DBF4: variants seen among roughly 807,000 people sequenced by gnomAD.
DBF4 encodes protein DBF4 homolog A.
A neutral mutation model predicts 76.6 loss-of-function variants in DBF4; 25 were observed. That is an observed-to-expected ratio of 0.33 (90% confidence interval 0.24 to 0.46). The LOEUF is 0.46. DBF4 is among the 20% of genes least tolerant of loss of function. DBF4 has a pLI of 1.00. For synonymous variants in DBF4, 213 were observed against 258.0 expected, an observed-to-expected ratio of 0.83 and a Z score of 1.67; for missense variants, 638 against 760.8, an observed-to-expected ratio of 0.84 and a Z score of 1.90.
chr7:87,885,809 C>G (rs1839334163), intron 3 of DBF4, among the ~76,000 whole-genome samples: 1 of 152,086 alleles, frequency 6.6e-6, no homozygotes, highest in African/African-American at 2.4e-5. Context: ...AGCCCCTATT[C>G]TAGAATTATT....
chr7:87,893,841 A>T (rs1445277806), intron 6 of DBF4, among the ~76,000 whole-genome samples: 1 of 152,156 alleles, frequency 6.6e-6, no homozygotes, highest in Admixed American at 6.5e-5. Flanking sequence ...CTACCATCTT[A>T]CTGTTAGTTT....
At chr7:87,887,908 A>C in intron 5 of DBF4, 75 bp from the exon 6 acceptor site, 1 of 1,332,876 alleles carries the variant, frequency 7.5e-7, no homozygotes, top group Non-Finnish European at 1.0e-6. Context: ...TATCTAATTT[A>C]ACTACAAGAA....
chr7:87,897,905 G>A (rs1312398338), intron 8 of DBF4, among the ~76,000 whole-genome samples: 2 of 152,100 alleles, frequency 1.3e-5, no homozygotes, highest in African/African-American at 2.4e-5. Flanking sequence ...AGCCTCCCAA[G>A]TAGCTGGGAT....
At position 87,904,357 on chromosome 7, in the gene DBF4, T is replaced by A; in HGVS notation, c.990T>A (p.Ile330=). 1.2e-6 allele frequency: 2 copies of A among 1,613,914 alleles called. No homozygotes were observed. Among genetic ancestry groups the A allele is most frequent in the South Asian group, 2.2e-5 (2 of 91,054 alleles). The change falls in exon 11 of 12, where the codon ATT becomes ATA. Residue 330 remains isoleucine, a synonymous_variant. Coordinates refer to ENST00000265728, the MANE Select transcript of DBF4 (RefSeq NM_006716.4). ...ACCAGTATCAAGTTGTTGATGATAT[T>A]GTATCTAAGTTAGTTTTTGACTTTG... ...QSNQYQVVDD[I]VSKLVFDFVE...
chr7:87,904,906 TC>T (rs1839879584), intron 11 of DBF4, among the ~76,000 whole-genome samples: 1 of 152,166 alleles, frequency 6.6e-6, no homozygotes. Flanking sequence ...TACTTTTAGT[TC>T]CATTCTTTTT....
At chr7:87,893,292 G>A (rs1046793255) in intron 6 of DBF4, among the ~76,000 whole-genome samples, 1 of 138,278 alleles carries the variant, frequency 7.2e-6, no homozygotes, top group South Asian at 2.2e-4. Context: ...AGGCCGGACT[G>A]TGGACTGCAG....
intron 1 of DBF4, among the ~76,000 whole-genome samples, chr7:87,877,836 G>C: frequency 6.6e-6 from 1 of 152,166 alleles, no homozygotes; most frequent in Non-Finnish European, 1.5e-5. Flanking sequence ...AATATTTCTT[G>C]CTGAGTCAAC....
Position 87,908,370 on chromosome 7 carries a change from T to C in DBF4, c.*207T>C. 2.4e-6 allele frequency: 1 copy of C among 409,606 alleles called. No homozygotes were observed. The highest frequency in any genetic ancestry group is 4.1e-6 in the Non-Finnish European group (1 of 242,738). 25.4% of individuals were successfully genotyped at this position (409,606 alleles called of 1,614,324 possible). On this transcript the variant is annotated 3_prime_UTR_variant, in exon 12 of 12. Coordinates refer to ENST00000265728, the MANE Select transcript of DBF4 (RefSeq NM_006716.4). ...AATAAACTTGTGACTGGTCTTGTTT[T>C]ACATTATATATATGTTCGTAATTGT...
In DBF4 at chr7:87,885,130, A is replaced by T; in HGVS notation, c.371A>T (p.Asp124Val). Reference sequence around the variant, plus strand: ...ACCACTTCACCTCATCCCAGCCATGATGGAAGTTCATTTAAGTCACCAGAC... The same window carrying T: ...ACCACTTCACCTCATCCCAGCCATGTTGGAAGTTCATTTAAGTCACCAGAC... ...AETTSPHPSH[D>V]GSSFKSPDTV... The change falls in exon 3 of 12, where the codon GAT (aspartate) becomes GTT (valine). Residue 124 changes from aspartate to valine, a missense_variant. By Grantham distance (152) the Asp-to-Val change is radical. Transcript: ENST00000265728. The T allele has an allele frequency of 6.2e-7, 1 of 1,610,322 alleles. No individual in the cohort carries two copies. The highest frequency in any genetic ancestry group is 8.5e-7 in the Non-Finnish European group (1 of 1,178,110).
At position 87,896,462 on chromosome 7, in the gene DBF4, A is replaced by C; in HGVS notation, c.598-12A>C. The C allele has an allele frequency of 3.9e-6, 6 of 1,536,088 alleles. No individual in the cohort carries two copies. In the South Asian group the frequency reaches 5.8e-5, roughly 15 times the overall value. On this transcript the variant is annotated splice_polypyrimidine_tract_variant and intron_variant, in intron 6 of 11. Transcript: ENST00000265728. ...TTCAAAGCCAATCTTTTCACTATAT[A>C]TTTTTTTTTAGGGCAAAAGAGTTGG...
intron 8 of DBF4, among the ~76,000 whole-genome samples, chr7:87,898,806 AAAG>A (rs1839700391): frequency 6.6e-6 from 1 of 151,796 alleles, no homozygotes; most frequent in Admixed American, 6.6e-5. Flanking sequence ...AAAAAAAAAA[AAAG>A]AACAACAAAG....
Position 87,888,036 on chromosome 7 carries a change from T to C in DBF4, c.574T>C (p.Ser192Pro), listed in dbSNP as rs1839402942. Residue 192 changes from serine (S) to proline (P), a missense_variant, in exon 6 of 12, where the codon TCA (serine) becomes CCA (proline). Physicochemically the swap from Ser to Pro is moderately conservative, Grantham distance 74. Coordinates refer to ENST00000265728, the MANE Select transcript of DBF4 (RefSeq NM_006716.4). ...KKKELYLLKK[S>P]STSVRDGGKR... Reference sequence around the variant, plus strand: ...AAAAGAGTTGTATTTACTCAAGAAATCAAGTACTTCAGTAAGAGATGGGGT... The same window carrying C: ...AAAAGAGTTGTATTTACTCAAGAAACCAAGTACTTCAGTAAGAGATGGGGT... 1 of 1,562,028 alleles carries C rather than the reference T, an allele frequency of 6.4e-7. No homozygotes were observed. Among genetic ancestry groups the C allele is most frequent in the East Asian group, 2.3e-5 (1 of 43,136 alleles).
intron 6 of DBF4, 89 bp from the exon 7 acceptor site, chr7:87,896,384 AT>A (rs989777557): frequency 2.0e-6 from 2 of 1,008,492 alleles, no homozygotes; most frequent in South Asian, 1.4e-5. Flanking sequence ...TTTCTGCATG[AT>A]TTTTTTATCT....
chr7:87,876,865 G>A, intron 1 of DBF4, 87 bp downstream of exon 1: 1 of 1,448,488 alleles, frequency 6.9e-7, no homozygotes, highest in Admixed American at 1.8e-5. Context: ...TTCTCCCGCC[G>A]GGTCCTCAGC....
chr7:87,906,795 A>G (rs893787232), intron 11 of DBF4, among the ~76,000 whole-genome samples: 20 of 152,338 alleles, frequency 1.3e-4, no homozygotes, highest in African/African-American at 4.6e-4. Context: ...ATGTAAATCA[A>G]AGCACAGAAG....
chr7:87,895,184 A>T (rs1397339606), intron 6 of DBF4, among the ~76,000 whole-genome samples: 1 of 151,932 alleles, frequency 6.6e-6, no homozygotes, highest in Non-Finnish European at 1.5e-5. Context: ...TTGTTATCTC[A>T]CTCAGATAGT....
At position 87,888,056 on chromosome 7, in the gene DBF4, T is replaced by C. The variant is rs1839403125; in HGVS notation, c.594T>C (p.Asp198=). ...AGAAATCAAGTACTTCAGTAAGAGA[T>C]GGGGTATGTTTTCTTTTTCAATTTT... The part of the protein sequence containing the change: ...LLKKSSTSVR[D]GGKRVGSGAQ... The change falls in exon 6 of 12, where the codon GAT becomes GAC. Residue 198 remains aspartate (D), a synonymous_variant. Coordinates refer to ENST00000265728, the MANE Select transcript of DBF4 (RefSeq NM_006716.4). 6.4e-7 allele frequency: 1 copy of C among 1,551,056 alleles called. No individual in the cohort carries two copies. The highest frequency in any genetic ancestry group is 1.4e-5 in the African/African-American group (1 of 71,324).
intron 5 of DBF4, among the ~76,000 whole-genome samples, chr7:87,887,633 T>G (rs966048891): frequency 4.6e-5 from 7 of 152,176 alleles, no homozygotes; most frequent in Non-Finnish European, 1.0e-4. Flanking sequence ...GAGGGCCTTC[T>G]TGTTGGTGGA....
chr7:87,887,416 G>GT lies in DBF4; in HGVS notation c.520+24dup, dbSNP rs1300550038. 2.6e-6 allele frequency: 4 copies of GT among 1,552,060 alleles called. No homozygotes were observed. Among genetic ancestry groups the GT allele is most frequent in the Non-Finnish European group, 3.5e-6 (4 of 1,142,660 alleles). ...TATTGATGGTAAGGATTTTATAATT[G>GT]TTTTTTGACAGTATTTGTTTTAAGT... On this transcript the variant is annotated intron_variant, in intron 5 of 11. Transcript: ENST00000265728.
Sources: allele counts gnomAD v4.1 joint callset (sites outside exome capture counted in the v4.1 genomes callset), GRCh38; gene constraint gnomAD v4.1.1; transcripts MANE v1.5; gene names NCBI Gene and HGNC (gene_info 2026-07-23, HGNC 2026-07-21).